Variants in THSD7B observed in about 807,000 individuals in gnomAD.
THSD7B encodes the protein thrombospondin type 1 domain containing 7B, also known as thrombospondin type-1 domain-containing protein 7B.
In THSD7B, 138 loss-of-function variants were observed where a neutral mutation model predicts 213.6. That is an observed-to-expected ratio of 0.65 (90% CI 0.56 to 0.74). The LOEUF is 0.74. THSD7B is among the 30% of genes least tolerant of loss of function. THSD7B has a pLI of 0.00. For synonymous variants in THSD7B, 742 were observed against 687.0 expected (o/e 1.08, Z -1.25); for missense variants, 1,931 against 1,991.5 (o/e 0.97, Z 0.58).
intron 15 of THSD7B, among the ~76,000 whole-genome samples, chr2:137,522,145 G>A (rs1680196998): frequency 6.6e-6 from 1 of 152,184 alleles, no homozygotes; most frequent in African/African-American, 2.4e-5. Flanking sequence ...TCTTCTTGGT[G>A]CACTAGCCAG....
intron 4 of THSD7B, among the ~76,000 whole-genome samples, chr2:137,114,675 A>T (rs1347948570): frequency 6.6e-6 from 1 of 152,232 alleles, no homozygotes; most frequent in African/African-American, 2.4e-5. Context: ...TGTATGTAAA[A>T]TAATATATTT....
chr2:137,284,556 T>C (rs1378559382), intron 12 of THSD7B, among the ~76,000 whole-genome samples: 2 of 152,170 alleles, frequency 1.3e-5, no homozygotes, highest in Non-Finnish European at 2.9e-5. Flanking sequence ...AATTTCCCTC[T>C]ACACACTGCT....
In THSD7B at chr2:137,056,934, A is replaced by G. The variant is rs372899505; in HGVS notation, c.654A>G (p.Pro218=). ...CTCTCTTTGGTGGTTTGCAATGTCC[A>G]AATCTGACTGAGTCAAGAGCCTGTG... ...APPLFGGLQC[P]NLTESRACDA... Residue 218 remains proline, a synonymous_variant, in exon 3 of 28, where the codon CCA becomes CCG. Transcript: ENST00000409968. 11 of 1,613,950 alleles carry G rather than the reference A, an allele frequency of 6.8e-6. No homozygotes were observed. Among genetic ancestry groups the G allele is most frequent in the Non-Finnish European group, 8.5e-6 (10 of 1,179,862 alleles).
At chr2:137,202,602 G>A (rs1466462258) in intron 7 of THSD7B, among the ~76,000 whole-genome samples, 1 of 152,186 alleles carries the variant, frequency 6.6e-6, no homozygotes, top group Non-Finnish European at 1.5e-5. Flanking sequence ...GACTGCTGGA[G>A]AATGAGTTTC....
chr2:136,799,945 A>G (rs1682145863), intron 1 of THSD7B, among the ~76,000 whole-genome samples: 1 of 151,982 alleles, frequency 6.6e-6, no homozygotes, highest in South Asian at 2.1e-4. Flanking sequence ...TGAAATAACT[A>G]TGTCAATATC....
chr2:136,789,821 T>C (rs1326215699), intron 1 of THSD7B, among the ~76,000 whole-genome samples: 1 of 152,110 alleles, frequency 6.6e-6, no homozygotes, highest in African/African-American at 2.4e-5. Flanking sequence ...AACAGCAAAG[T>C]TAAAATGGAT....
intron 15 of THSD7B, among the ~76,000 whole-genome samples, chr2:137,550,005 C>T (rs10209281): frequency 0.35 from 53,601 of 151,758 alleles, 9,919 homozygotes; most frequent in South Asian, 0.56. Context: ...CCTGGCACGC[C>T]GTGAACAATC....
intron 1 of THSD7B, among the ~76,000 whole-genome samples, chr2:136,864,055 A>T (rs1683295060): frequency 6.6e-6 from 1 of 152,204 alleles, no homozygotes; most frequent in African/African-American, 2.4e-5. Context: ...GAATGGCTAC[A>T]TAGGGAAACA....
chr2:137,311,454 G>A (rs1170305369), intron 12 of THSD7B, among the ~76,000 whole-genome samples: 2 of 152,092 alleles, frequency 1.3e-5, no homozygotes, highest in African/African-American at 2.4e-5. Flanking sequence ...TCTGCAGACA[G>A]GGACAATTTG....
chr2:137,357,306 G>A (rs185669012), intron 12 of THSD7B, among the ~76,000 whole-genome samples: 23 of 152,190 alleles, frequency 1.5e-4, no homozygotes, highest in African/African-American at 5.3e-4. Context: ...GCATACTCCA[G>A]TGACTACATA....
At chr2:137,395,272 C>T (rs1231184407) in intron 12 of THSD7B, among the ~76,000 whole-genome samples, 8 of 147,216 alleles carry the variant, frequency 5.4e-5, no homozygotes, top group Admixed American at 1.4e-4. Flanking sequence ...CAGTTTTTGC[C>T]CATTCAGTAT....
chr2:137,674,100 A>G (rs986653824), intron 27 of THSD7B, among the ~76,000 whole-genome samples: 1 of 152,176 alleles, frequency 6.6e-6, no homozygotes, highest in Non-Finnish European at 1.5e-5. Context: ...CGTGTCTCCC[A>G]GGTGATAGTA....
chr2:136,893,487 A>C (rs1003845394), intron 2 of THSD7B, among the ~76,000 whole-genome samples: 2 of 142,980 alleles, frequency 1.4e-5, no homozygotes, highest in African/African-American at 4.9e-5. Context: ...TCACTATATA[A>C]ATACAAACAA....
At chr2:136,805,783 T>A (rs946940106) in intron 1 of THSD7B, among the ~76,000 whole-genome samples, 1 of 152,150 alleles carries the variant, frequency 6.6e-6, no homozygotes, top group African/African-American at 2.4e-5. Flanking sequence ...GCTCCTCTTG[T>A]CTTTCCTCAC....
chr2:136,804,483 T>C (rs961050938), intron 1 of THSD7B, among the ~76,000 whole-genome samples: 3 of 152,064 alleles, frequency 2.0e-5, no homozygotes, highest in African/African-American at 7.2e-5. Flanking sequence ...TTCTTAAAGA[T>C]GTTAATGCTG....
intron 12 of THSD7B, among the ~76,000 whole-genome samples, chr2:137,306,457 ATTC>A (rs1395000295): frequency 6.6e-6 from 1 of 152,018 alleles, no homozygotes; most frequent in Non-Finnish European, 1.5e-5. Flanking sequence ...AACTTTAAAG[ATTC>A]TTTTTACCCT....
chr2:136,954,286 C>G (rs1049135900), intron 2 of THSD7B, among the ~76,000 whole-genome samples: 1 of 152,190 alleles, frequency 6.6e-6, no homozygotes, highest in African/African-American at 2.4e-5. Flanking sequence ...ATTTAAGCTG[C>G]GAGTTGAAGA....
intron 20 of THSD7B, among the ~76,000 whole-genome samples, chr2:137,629,551 T>C (rs1682701085): frequency 6.6e-6 from 1 of 152,206 alleles, no homozygotes; most frequent in African/African-American, 2.4e-5. Context: ...ATTCAGGAGT[T>C]CTAGGCAACT....
At position 136,979,313 on chromosome 2, in the gene THSD7B, A is replaced by G. The variant is rs1225559808; in HGVS notation, c.140-77107A>G. Among the ~76,000 whole-genome samples, 5 of 151,628 alleles carry G rather than the reference A, an allele frequency of 3.3e-5. No homozygotes were observed. The South Asian group carries it at 8.3e-4, about 25-fold the overall frequency. The stretch of plus-strand genomic sequence containing the variant: ...GGAATACCTTACTGTGGTTCTCTGG[A>G]TTTCCTGAATGTGAACATTGGCCTA... On this transcript the variant is annotated intron_variant, in intron 2 of 27. Coordinates refer to ENST00000409968, the MANE Select transcript of THSD7B (RefSeq NM_001316349.2).
Sources: allele counts gnomAD v4.1 joint callset (sites outside exome capture counted in the v4.1 genomes callset), GRCh38; gene constraint gnomAD v4.1.1; transcripts MANE v1.5; gene names NCBI Gene and HGNC (gene_info 2026-07-23, HGNC 2026-07-21).